NSRP1: variants seen among roughly 807,000 people sequenced by gnomAD.
NSRP1 encodes coiled-coil domain containing 55.
A neutral mutation model predicts 54.7 loss-of-function variants in NSRP1; 24 were observed. That is an observed-to-expected ratio of 0.44 (90% CI 0.32 to 0.62). The LOEUF (loss-of-function observed/expected upper bound fraction) is 0.62, where lower values mean the gene tolerates loss of function less well. NSRP1 is among the 20% of genes least tolerant of loss of function. The pLI is 0.06. For missense variants in NSRP1, 596 were observed against 651.2 expected, an observed-to-expected ratio of 0.92 and a Z score of 0.92; for synonymous variants, 210 against 213.8, an observed-to-expected ratio of 0.98 and a Z score of 0.15.
intron 2 of NSRP1, among the ~76,000 whole-genome samples, chr17:30,166,990 A>G (rs1904753655): frequency 6.6e-6 from 1 of 152,014 alleles, no homozygotes; most frequent in Admixed American, 6.6e-5. Context: ...CTTCTATCTT[A>G]CTGTATGTTT....
At chr17:30,148,657 T>G (rs2071878744) in intron 2 of NSRP1, among the ~76,000 whole-genome samples, 1 of 152,218 alleles carries the variant, frequency 6.6e-6, no homozygotes, top group South Asian at 2.1e-4. Flanking sequence ...ACCAGTTTTT[T>G]TGTATCTGGC....
intron 6 of NSRP1, among the ~76,000 whole-genome samples, chr17:30,183,179 C>T (rs530948986): frequency 6.8e-6 from 1 of 147,718 alleles, no homozygotes; most frequent in South Asian, 2.2e-4. Flanking sequence ...ATGATTATGC[C>T]ATAATTATGT....
intron 2 of NSRP1, among the ~76,000 whole-genome samples, chr17:30,130,031 A>G (rs11650871): frequency 0.056 from 8,508 of 152,268 alleles, 287 homozygotes; most frequent in South Asian, 0.1. Flanking sequence ...GGATGGAACT[A>G]AGACAATTCT....
intron 3 of NSRP1, among the ~76,000 whole-genome samples, chr17:30,176,797 G>GA (rs1905142975): frequency 6.6e-6 from 1 of 151,756 alleles, no homozygotes; most frequent in Non-Finnish European, 1.5e-5. Flanking sequence ...GTTGAGAAGT[G>GA]AAAAAAATGA....
At chr17:30,131,880 T>A (rs1162210530) in intron 2 of NSRP1, among the ~76,000 whole-genome samples, 1 of 152,214 alleles carries the variant, frequency 6.6e-6, no homozygotes, top group African/African-American at 2.4e-5. Context: ...CAACTAAGTT[T>A]ATGTAATAAT....
chr17:30,131,259 A>G (rs181997079), intron 2 of NSRP1, among the ~76,000 whole-genome samples: 228 of 152,160 alleles, frequency 1.5e-3, no homozygotes, highest in African/African-American at 5.1e-3. Flanking sequence ...CTTTAGCTCT[A>G]CAGTTTCTCT....
In NSRP1 at chr17:30,185,078, C is replaced by T. The variant is rs1905471550; in HGVS notation, c.1081C>T (p.Gln361Ter). The change falls in exon 7 of 7, where the codon CAG becomes TAG. Residue 361 changes from glutamine to a stop codon, truncating the protein, a stop_gained. Coordinates refer to ENST00000247026, the MANE Select transcript of NSRP1 (RefSeq NM_032141.4). LOFTEE classifies it high-confidence loss of function. ...AGATTCCCATTGGAAGAGGCATGAA[C>T]AGGAAGATAAACCAAGGGCGAGGGA... ...HRDSHWKRHEQEDKPRARDQR... is the reference protein window; with the variant it reads ...HRDSHWKRHE 1 of 1,613,832 alleles carries T rather than the reference C, an allele frequency of 6.2e-7. No individual in the cohort carries two copies. The highest frequency in any genetic ancestry group is 8.5e-7 in the Non-Finnish European group (1 of 1,179,962).
intron 2 of NSRP1, among the ~76,000 whole-genome samples, chr17:30,135,810 G>C (rs2071745961): frequency 6.6e-6 from 1 of 152,116 alleles, no homozygotes; most frequent in African/African-American, 2.4e-5. Flanking sequence ...GGTAGATACT[G>C]TGCATCTCAT....
chr17:30,185,264 G>A lies in NSRP1; in HGVS notation c.1267G>A (p.Val423Ile). The A allele has an allele frequency of 6.3e-7, 1 of 1,599,642 alleles. No individual in the cohort carries two copies. The highest frequency in any genetic ancestry group is 8.5e-7 in the Non-Finnish European group (1 of 1,173,790). The change falls in exon 7 of 7, where the codon GTA (valine) becomes ATA (isoleucine). Residue 423 changes from valine to isoleucine, a missense_variant. Transcript: ENST00000247026. ...CAAAGCAAAGGAAGAGCATATGAAA[G>A]TAAGGAAGGAAAGATATGAAAATAA... ...KSKAKEEHMK[V>I]RKERYENNDK...
At chr17:30,133,938 A>G (rs1302195658) in intron 2 of NSRP1, among the ~76,000 whole-genome samples, 1 of 152,162 alleles carries the variant, frequency 6.6e-6, no homozygotes, top group Non-Finnish European at 1.5e-5. Context: ...TGACTGTTTG[A>G]CTGCAAGAAG....
At chr17:30,148,797 A>AC (rs1404919899) in intron 2 of NSRP1, among the ~76,000 whole-genome samples, 7 of 152,218 alleles carry the variant, frequency 4.6e-5, no homozygotes, top group Non-Finnish European at 8.8e-5. Context: ...CCAGGTTTTC[A>AC]GATTTAATTG....
chr17:30,135,618 C>T (rs532452854), intron 2 of NSRP1, among the ~76,000 whole-genome samples: 2 of 151,988 alleles, frequency 1.3e-5, no homozygotes, highest in African/African-American at 2.4e-5. Context: ...GGACTACAGG[C>T]GCCCGCCACC....
At chr17:30,138,686 T>TG (rs1057232075) in intron 2 of NSRP1, among the ~76,000 whole-genome samples, 4 of 150,566 alleles carry the variant, frequency 2.7e-5, no homozygotes, top group Middle Eastern at 3.4e-3. Context: ...CTTTGGGGGG[T>TG]GGAGGGGGAA....
chr17:30,171,976 C>CCT (rs58666089), intron 2 of NSRP1, among the ~76,000 whole-genome samples: 5,575 of 80,350 alleles, frequency 0.069, 264 homozygotes, highest in African/African-American at 0.13. Context: ...ACACACACTC[C>CCT]CTCTCTCTCT....
intron 2 of NSRP1, among the ~76,000 whole-genome samples, chr17:30,129,204 A>G (rs1309349144): frequency 6.6e-6 from 1 of 152,170 alleles, no homozygotes; most frequent in Non-Finnish European, 1.5e-5. Flanking sequence ...ATAGAAGACT[A>G]GGAGAGAAAA....
At chr17:30,117,086 A>T (rs554711197) in intron 1 of NSRP1, 1 of 768,314 alleles carries the variant, frequency 1.3e-6, no homozygotes, top group South Asian at 1.4e-5. Context: ...GAAATAAAGG[A>T]AGTTAGGCTG....
intron 3 of NSRP1, among the ~76,000 whole-genome samples, chr17:30,176,181 G>A (rs77833230): frequency 0.022 from 3,279 of 151,726 alleles, 92 homozygotes; most frequent in African/African-American, 0.072. Context: ...CTGTGATTAT[G>A]GATTTGTCTA....
intron 2 of NSRP1, among the ~76,000 whole-genome samples, chr17:30,168,574 TATA>T (rs573643395): frequency 1.2e-3 from 175 of 147,620 alleles, no homozygotes; most frequent in Admixed American, 4.3e-3. Context: ...AAACTTAAAG[TATA>T]ATAATAATAA....
chr17:30,168,574 T>TATAATA lies in NSRP1; in HGVS notation c.115-3955_115-3950dup, dbSNP rs573643395. ...TGCACATGTACCCTAAAACTTAAAG[T>TATAATA]ATAATAATAATAATAATAGTAATAA... On this transcript the variant is annotated intron_variant, in intron 2 of 6. Coordinates refer to ENST00000247026, the MANE Select transcript of NSRP1 (RefSeq NM_032141.4). Among the ~76,000 whole-genome samples the TATAATA allele has an allele frequency of 4.1e-5, 6 of 147,630 alleles. No individual in the cohort carries two copies. The South Asian group carries it at 6.3e-4, about 16-fold the overall frequency.
Sources: gnomAD v4.1 joint callset for allele counts (sites outside exome capture counted in the v4.1 genomes callset) on GRCh38, gnomAD v4.1.1 for gene constraint, MANE v1.5 for transcripts, NCBI Gene and HGNC (gene_info 2026-07-23, HGNC 2026-07-21) for gene names.